TMEM170B: variants seen among roughly 807,000 people sequenced by gnomAD.
TMEM170B encodes the protein transmembrane protein 170B.
Under a neutral mutation model 13.0 loss-of-function variants are expected in TMEM170B, and 6 were observed. That is an observed-to-expected ratio of 0.46 (90% CI 0.25 to 0.91). The LOEUF (loss-of-function observed/expected upper bound fraction) is 0.91. Among genes scored for constraint, TMEM170B ranks in the 40% least tolerant of loss-of-function variants. The pLI, the probability that TMEM170B is intolerant of heterozygous loss-of-function variation, is 0.17. For synonymous variants in TMEM170B, 61 were observed against 64.9 expected (o/e 0.94, Z 0.29); for missense variants, 138 against 165.2 (o/e 0.84, Z 0.90).
chr6:11,574,825 T>A (rs1021102031), intron 2 of TMEM170B, among the ~76,000 whole-genome samples: 3 of 152,150 alleles, frequency 2.0e-5, no homozygotes, highest in African/African-American at 7.2e-5. Flanking sequence ...TTTTCCATTC[T>A]TATTAGACGT....
In TMEM170B at chr6:11,538,101, G is replaced by C. The variant is rs1759304570; in HGVS notation, c.-177G>C. 6.6e-6 allele frequency among the ~76,000 whole-genome samples: 1 copy of C among 150,806 alleles called. No homozygotes were observed. Among genetic ancestry groups the C allele is most frequent in the Non-Finnish European group, 1.5e-5 (1 of 67,488 alleles). ...GGCTGCCTGGGAGACACGCTGAGCG[G>C]CCCCCCCACGGAGGCCCTCCGGCTG... On this transcript the variant is annotated 5_prime_UTR_variant, in exon 1 of 3. Coordinates refer to ENST00000379426, the MANE Select transcript of TMEM170B (RefSeq NM_001100829.3).
At chr6:11,561,417 A>G (rs546979728) in intron 1 of TMEM170B, among the ~76,000 whole-genome samples, 1 of 152,192 alleles carries the variant, frequency 6.6e-6, no homozygotes, top group Non-Finnish European at 1.5e-5. Flanking sequence ...CTGTCTTTTT[A>G]CTAGGTGTTC....
intron 1 of TMEM170B, among the ~76,000 whole-genome samples, chr6:11,551,651 A>C (rs966862801): frequency 1.3e-5 from 2 of 152,240 alleles, no homozygotes; most frequent in Non-Finnish European, 2.9e-5. Context: ...ACTGATGAAC[A>C]AAAGTGAAAA....
chr6:11,577,599 A>C lies in TMEM170B; in HGVS notation c.*2038A>C, dbSNP rs1316292438. On this transcript the variant is annotated 3_prime_UTR_variant, in exon 3 of 3. Coordinates refer to ENST00000379426, the MANE Select transcript of TMEM170B (RefSeq NM_001100829.3). ...ATATGTTTATTTTATGATTTAAGAA[A>C]GTTATGGTAAAGTAATATGGAGCAT... 1.3e-5 allele frequency: 2 copies of C among 152,274 alleles called. No individual in the cohort carries two copies. Among genetic ancestry groups the C allele is most frequent in the East Asian group, 3.8e-4 (2 of 5,196 alleles). 9.4% of individuals were successfully genotyped at this position (152,274 alleles called of 1,614,324 possible).
At chr6:11,554,043 C>G (rs1218106985) in intron 1 of TMEM170B, among the ~76,000 whole-genome samples, 1 of 151,942 alleles carries the variant, frequency 6.6e-6, no homozygotes, top group African/African-American at 2.4e-5. Flanking sequence ...TTGCAGTTTC[C>G]CTGGTTATGC....
At chr6:11,561,981 G>A (rs1453128115) in intron 1 of TMEM170B, among the ~76,000 whole-genome samples, 1 of 152,068 alleles carries the variant, frequency 6.6e-6, no homozygotes, top group African/African-American at 2.4e-5. Flanking sequence ...ATAATTTCCT[G>A]TTCACAGTGT....
At chr6:11,559,456 G>A (rs1347635893) in intron 1 of TMEM170B, among the ~76,000 whole-genome samples, 2 of 152,050 alleles carry the variant, frequency 1.3e-5, no homozygotes, top group Non-Finnish European at 1.5e-5. Flanking sequence ...AAACTGCTGG[G>A]ATTACAGGCA....
At chr6:11,566,243 G>C (rs906295099) in intron 2 of TMEM170B, among the ~76,000 whole-genome samples, 11 of 152,190 alleles carry the variant, frequency 7.2e-5, no homozygotes, top group African/African-American at 2.7e-4. Context: ...TCATCTGCCT[G>C]TGACTACAAA....
intron 1 of TMEM170B, among the ~76,000 whole-genome samples, chr6:11,553,978 C>T (rs960700996): frequency 6.6e-6 from 1 of 152,100 alleles, no homozygotes; most frequent in African/African-American, 2.4e-5. Context: ...TACTTCCTTA[C>T]AGTTAGTCTG....
In TMEM170B at chr6:11,548,436, G is replaced by A. The variant is rs542536108; in HGVS notation, c.97+10062G>A. Among the ~76,000 whole-genome samples the A allele has an allele frequency of 7.2e-5, 11 of 152,304 alleles. No homozygotes were observed. In the South Asian group the frequency reaches 2.1e-3, roughly 29 times the overall value. ...AAAAGTCAGGAAACAACAGGTGCTGGAGAGGATGTGGAGAAATAGGAACAC... is the reference window on the plus strand; with the variant it reads ...AAAAGTCAGGAAACAACAGGTGCTGAAGAGGATGTGGAGAAATAGGAACAC... On this transcript the variant is annotated intron_variant, in intron 1 of 2. Coordinates refer to ENST00000379426, the MANE Select transcript of TMEM170B (RefSeq NM_001100829.3).
chr6:11,564,820 CAGTT>C (rs1759714424), intron 1 of TMEM170B, among the ~76,000 whole-genome samples: 1 of 152,202 alleles, frequency 6.6e-6, no homozygotes, highest in African/African-American at 2.4e-5. Flanking sequence ...CAAGGACACT[CAGTT>C]GGTCCCAATC....
chr6:11,549,792 A>G (rs560494153), intron 1 of TMEM170B, among the ~76,000 whole-genome samples: 36 of 152,304 alleles, frequency 2.4e-4, no homozygotes, highest in African/African-American at 7.9e-4. Context: ...GAAGAACACA[A>G]TTTCTTACTG....
At chr6:11,561,208 T>G (rs1370649634) in intron 1 of TMEM170B, among the ~76,000 whole-genome samples, 1 of 152,194 alleles carries the variant, frequency 6.6e-6, no homozygotes, top group Non-Finnish European at 1.5e-5. Flanking sequence ...TTTCTGTTGT[T>G]TTTTTGTATT....
At chr6:11,545,312 A>C (rs959045429) in intron 1 of TMEM170B, among the ~76,000 whole-genome samples, 1 of 80,954 alleles carries the variant, frequency 1.2e-5, no homozygotes, top group African/African-American at 4.1e-5. Context: ...GTGTGTGTGT[A>C]GTACTAGTAG....
At chr6:11,573,038 GTGTGTGTTTATGCATGTATATA>G (rs1164795525) in intron 2 of TMEM170B, among the ~76,000 whole-genome samples, 3 of 152,084 alleles carry the variant, frequency 2.0e-5, no homozygotes, top group African/African-American at 7.2e-5. Flanking sequence ...TGTATTGATT[GTGTGTGTTTATGCATGTATATA>G]TGTGTGTTTA....
chr6:11,548,104 G>A (rs552056978), intron 1 of TMEM170B, among the ~76,000 whole-genome samples: 2 of 152,254 alleles, frequency 1.3e-5, no homozygotes, highest in Admixed American at 1.3e-4. Flanking sequence ...AAACTAAAGA[G>A]CTTCTGCACA....
intron 1 of TMEM170B, among the ~76,000 whole-genome samples, chr6:11,551,742 G>A (rs1759527477): frequency 6.6e-6 from 1 of 152,134 alleles, no homozygotes; most frequent in Non-Finnish European, 1.5e-5. Flanking sequence ...GGCTTGTTGA[G>A]TTCAGGAAGA....
rs1759879426 is a variant in TMEM170B at position 11,576,850 on chromosome 6, A to G, written c.*1289A>G. 6.6e-6 allele frequency: 1 copy of G among 152,122 alleles called. No individual in the cohort carries two copies. Among genetic ancestry groups the G allele is most frequent in the South Asian group, 2.1e-4 (1 of 4,832 alleles). 9.4% of individuals were successfully genotyped at this position (152,122 alleles called of 1,614,324 possible). A position where few individuals can be genotyped will look rare whatever the true frequency, so the allele number is the denominator to read the frequency against. Reference sequence around the variant, plus strand: ...GTTATGATTTAAGTTTAGTAGAAGAATCTGTGAGGGCATATAGCAAAAGTG... The same window carrying G: ...GTTATGATTTAAGTTTAGTAGAAGAGTCTGTGAGGGCATATAGCAAAAGTG... On this transcript the variant is annotated 3_prime_UTR_variant, in exon 3 of 3. Coordinates refer to ENST00000379426, the MANE Select transcript of TMEM170B (RefSeq NM_001100829.3).
intron 1 of TMEM170B, among the ~76,000 whole-genome samples, chr6:11,541,645 C>T (rs59218333): frequency 0.055 from 8,424 of 152,234 alleles, 346 homozygotes; most frequent in African/African-American, 0.11. Flanking sequence ...TTTTAATTTC[C>T]TTTAAGAATT....
Sources: gnomAD v4.1 joint callset for allele counts (sites outside exome capture counted in the v4.1 genomes callset) on GRCh38, gnomAD v4.1.1 for gene constraint, MANE v1.5 for transcripts, NCBI Gene and HGNC (gene_info 2026-07-23, HGNC 2026-07-21) for gene names.